Variants in AFG3L2 observed in about 807,000 individuals in gnomAD.
AFG3L2 encodes AFG3 like matrix AAA peptidase subunit 2.
AFG3L2 carries 54 observed loss-of-function variants against 94.5 expected under a neutral mutation model. The observed-to-expected ratio is 0.57, with a 90% confidence interval of 0.46 to 0.72. The LOEUF (loss-of-function observed/expected upper bound fraction) is 0.72. Ranked by LOEUF, AFG3L2 falls within the 30% of genes least tolerant of loss-of-function variation. The pLI is 0.00. For missense variants in AFG3L2, 754 were observed against 994.9 expected (o/e 0.76, Z 3.26); for synonymous variants, 377 against 365.5 (o/e 1.03, Z -0.36).
intron 3 of AFG3L2, among the ~76,000 whole-genome samples, chr18:12,368,692 C>A (rs1024933108): frequency 1.3e-5 from 2 of 152,110 alleles, no homozygotes; most frequent in South Asian, 4.1e-4. Context: ...CCTCTGCCTT[C>A]CAGGTTCAAG....
At chr18:12,332,866 G>C (rs80071493) in intron 16 of AFG3L2, among the ~76,000 whole-genome samples, 92,965 of 137,610 alleles carry the variant, frequency 0.68, 32,749 homozygotes, top group Non-Finnish European at 0.78. Flanking sequence ...CATAGTTGTG[G>C]GTGATCACTT....
chr18:12,342,809 T>G (rs2143134725), intron 14 of AFG3L2: 1 of 152,330 alleles, frequency 6.6e-6, no homozygotes, highest in East Asian at 1.9e-4. Flanking sequence ...CTGGTACCTC[T>G]GTGAACCAAA....
chr18:12,336,601 CCT>C (rs746894582), intron 16 of AFG3L2, among the ~76,000 whole-genome samples: 6 of 152,188 alleles, frequency 3.9e-5, no homozygotes, highest in African/African-American at 1.2e-4. Flanking sequence ...CTGCAATTCC[CCT>C]GTCTTGAGAA....
Position 12,367,075 on chromosome 18 carries a change from G to C in AFG3L2, c.442C>G (p.Leu148Val), listed in dbSNP as rs753776330. The C allele has an allele frequency of 6.2e-7, 1 of 1,614,194 alleles. No homozygotes were observed. The highest frequency in any genetic ancestry group is 8.5e-7 in the Non-Finnish European group (1 of 1,180,032). Reference sequence around the variant, plus strand: ...CCACCCCAGAACAGAGCAGTCCAGAGGAAGAACATCCTGAAATCCTTGTCG... The same window carrying C: ...CCACCCCAGAACAGAGCAGTCCAGACGAAGAACATCCTGAAATCCTTGTCG... ...WDDKDFRMFF[L>V]WTALFWGGVM... The change falls in exon 5 of 17, where the codon CTC (leucine) becomes GTC (valine). Residue 148 changes from leucine to valine, a missense_variant. Coordinates refer to ENST00000269143, the MANE Select transcript of AFG3L2 (RefSeq NM_006796.3).
At chr18:12,357,638 T>C (rs967440255) in intron 8 of AFG3L2, among the ~76,000 whole-genome samples, 26 of 152,116 alleles carry the variant, frequency 1.7e-4, no homozygotes, top group Non-Finnish European at 2.5e-4. Context: ...TTCACTCTTG[T>C]CCAGGCTGGA....
At chr18:12,348,882 C>A (rs1402979152) in intron 12 of AFG3L2, among the ~76,000 whole-genome samples, 1 of 152,162 alleles carries the variant, frequency 6.6e-6, no homozygotes, top group Admixed American at 6.5e-5. Context: ...TTTAAACTAA[C>A]TTTTCAGTTA....
chr18:12,356,989 T>C (rs1908516943), intron 8 of AFG3L2, among the ~76,000 whole-genome samples, 158 bp from the exon 9 acceptor site: 1 of 152,222 alleles, frequency 6.6e-6, no homozygotes, highest in Non-Finnish European at 1.5e-5. Context: ...ATTTTTATAT[T>C]AGTAAGAATA....
chr18:12,340,688 C>T (rs542488486), intron 14 of AFG3L2, among the ~76,000 whole-genome samples: 1 of 152,102 alleles, frequency 6.6e-6, no homozygotes, highest in Non-Finnish European at 1.5e-5. Flanking sequence ...CTCCACCTCC[C>T]GGGTTCAAGT....
At chr18:12,351,540 G>T in intron 10 of AFG3L2, 127 bp from the exon 11 acceptor site, 5 of 811,834 alleles carry the variant, frequency 6.2e-6, no homozygotes, top group Non-Finnish European at 6.1e-6. Flanking sequence ...TCATTATCTA[G>T]TGTTTTTTGT....
intron 5 of AFG3L2, among the ~76,000 whole-genome samples, chr18:12,366,505 G>C (rs545574423): frequency 6.6e-6 from 1 of 152,284 alleles, no homozygotes; most frequent in African/African-American, 2.4e-5. Flanking sequence ...AACACACGCT[G>C]ATTAGCTGCC....
intron 16 of AFG3L2, among the ~76,000 whole-genome samples, chr18:12,331,307 C>G (rs139880692): frequency 1.3e-5 from 2 of 152,248 alleles, no homozygotes; most frequent in African/African-American, 2.4e-5. Flanking sequence ...CTCCTCAGAC[C>G]GTATCCCCAT....
chr18:12,343,221 T>A (rs1598824619), intron 14 of AFG3L2: 1 of 152,400 alleles, frequency 6.6e-6, no homozygotes, highest in African/African-American at 2.4e-5. Context: ...ATTGAATTTT[T>A]AAAATTTCAT....
intron 9 of AFG3L2, 90 bp downstream of exon 9, chr18:12,356,604 G>T: frequency 6.3e-7 from 1 of 1,580,836 alleles, no homozygotes; most frequent in Non-Finnish European, 8.7e-7. Flanking sequence ...TAGCACTCTA[G>T]GGGGAAGGGC....
chr18:12,339,878 C>T (rs918947277), intron 15 of AFG3L2, among the ~76,000 whole-genome samples: 1 of 142,714 alleles, frequency 7.0e-6, no homozygotes, highest in Non-Finnish European at 1.5e-5. Flanking sequence ...AAATTAGCCA[C>T]ATGTGGTGGC....
At chr18:12,374,856 G>C (rs960355628) in intron 1 of AFG3L2, among the ~76,000 whole-genome samples, 1 of 152,088 alleles carries the variant, frequency 6.6e-6, no homozygotes, top group Non-Finnish European at 1.5e-5. Context: ...AGGAGTTTGA[G>C]ACCAGCCTGG....
At chr18:12,354,137 C>CA (rs1485558508) in intron 9 of AFG3L2, among the ~76,000 whole-genome samples, 16 of 132,206 alleles carry the variant, frequency 1.2e-4, no homozygotes, top group African/African-American at 4.1e-4. Context: ...CTCCCACCCC[C>CA]CCCCCCCCAC....
chr18:12,333,909 C>T (rs113041725), intron 16 of AFG3L2, among the ~76,000 whole-genome samples: 7 of 152,300 alleles, frequency 4.6e-5, no homozygotes, highest in African/African-American at 1.7e-4. Context: ...GTGCTGCTTA[C>T]CCACTGTATG....
intron 3 of AFG3L2, among the ~76,000 whole-genome samples, chr18:12,368,704 G>A (rs762726146): frequency 2.6e-5 from 4 of 152,054 alleles, no homozygotes; most frequent in Non-Finnish European, 5.9e-5. Flanking sequence ...AGGTTCAAGC[G>A]ATTCTCATGC....
At chr18:12,333,177 AATATAATAAATAATAT>A (rs1907627472) in intron 16 of AFG3L2, among the ~76,000 whole-genome samples, 2 of 119,218 alleles carry the variant, frequency 1.7e-5, no homozygotes, top group South Asian at 2.2e-4. Flanking sequence ...AATAATAGAT[AATATAATAAATAATAT>A]ATATAATAAT....
Sources: allele counts gnomAD v4.1 joint callset (sites outside exome capture counted in the v4.1 genomes callset), GRCh38; gene constraint gnomAD v4.1.1; transcripts MANE v1.5; gene names NCBI Gene and HGNC (gene_info 2026-07-23, HGNC 2026-07-21).